The following ELOVL3 variants were observed in gnomAD, a reference collection of about 807,000 sequenced individuals.
The protein encoded by ELOVL3 is very long chain fatty acid elongase 3.
A neutral mutation model predicts 14.9 loss-of-function variants in ELOVL3; 11 were observed. The observed-to-expected ratio is 0.74, with a 90% CI of 0.46 to 1.22. The LOEUF is 1.22. Among genes scored for constraint, ELOVL3 ranks in the 50% most tolerant of loss-of-function variants. The pLI, the probability that ELOVL3 is intolerant of heterozygous loss-of-function variation, is 0.00. For missense variants in ELOVL3, 277 were observed against 338.9 expected (o/e 0.82, Z 1.43); for synonymous variants, 117 against 124.7 (o/e 0.94, Z 0.41).
chr10:102,227,511 C>G, intron 1 of ELOVL3, 115 bp from the exon 2 acceptor site: 1 of 1,189,342 alleles, frequency 8.4e-7, no homozygotes, highest in Non-Finnish European at 1.2e-6. Flanking sequence ...TGTCACATAG[C>G]TAGTAAGTGG....
chr10:102,229,377 C>A lies in ELOVL3; in HGVS notation c.*125C>A. The A allele has an allele frequency of 4.2e-6, 4 of 946,778 alleles. No homozygotes were observed. The highest frequency in any genetic ancestry group is 6.1e-6 in the Non-Finnish European group (4 of 651,078). The allele number at this position is 946,778 out of a possible 1,614,324, so 58.6% of individuals were successfully genotyped here. A position where few individuals can be genotyped will look rare whatever the true frequency, so the allele number is the denominator to read the frequency against. The stretch of plus-strand genomic sequence containing the variant: ...TGGTTTCCCCAGAGGATGTGTGCCC[C>A]AAGGTGGCTGGAATTTTTGACAGAC... On this transcript the variant is annotated 3_prime_UTR_variant, in exon 4 of 4. Coordinates refer to ENST00000370005, the MANE Select transcript of ELOVL3 (RefSeq NM_152310.3).
upstream of ELOVL3, among the ~76,000 whole-genome samples, chr10:102,225,855 C>A (rs2070131336): frequency 6.6e-6 from 1 of 152,232 alleles, no homozygotes; most frequent in Non-Finnish European, 1.5e-5. Context: ...CACCCACTCA[C>A]AACCGCAGAC....
At chr10:102,227,212 G>A (rs2070142953) in intron 1 of ELOVL3, among the ~76,000 whole-genome samples, 1 of 152,090 alleles carries the variant, frequency 6.6e-6, no homozygotes, top group Non-Finnish European at 1.5e-5. Flanking sequence ...AGAAGCTATT[G>A]CCACATTCTT....
chr10:102,228,528 C>G lies in ELOVL3; in HGVS notation c.345C>G (p.Phe115Leu). Reference protein sequence around the residue: ...INFIDNSTVKFWSWVFLLSKV... With the variant: ...INFIDNSTVKLWSWVFLLSKV... The stretch of plus-strand genomic sequence containing the variant: ...TCATCGATAATTCCACAGTCAAATT[C>G]TGGTCCTGGGTCTTTCTTCTCAGCA... Residue 115 changes from phenylalanine (F) to leucine (L), a missense_variant, in exon 3 of 4, where the codon TTC becomes TTG. Physicochemically the swap from Phe to Leu is conservative, Grantham distance 22. Coordinates refer to ENST00000370005, the MANE Select transcript of ELOVL3 (RefSeq NM_152310.3). 1 of 1,614,178 alleles carries G rather than the reference C, an allele frequency of 6.2e-7. No individual in the cohort carries two copies. The highest frequency in any genetic ancestry group is 8.5e-7 in the Non-Finnish European group (1 of 1,180,022).
Position 102,229,367 on chromosome 10 carries a change from A to ATGTG in ELOVL3, c.*118_*121dup, listed in dbSNP as rs1166397122. The ATGTG allele has an allele frequency of 7.7e-6, 8 of 1,044,090 alleles. No individual in the cohort carries two copies. Among genetic ancestry groups the ATGTG allele is most frequent in the Non-Finnish European group, 1.1e-5 (8 of 736,382 alleles). The allele number at this position is 1,044,090 out of a possible 1,614,324, so 64.7% of individuals were successfully genotyped here. A position where few individuals can be genotyped will look rare whatever the true frequency, so the allele number is the denominator to read the frequency against. ...CTTACCTGCATGGTTTCCCCAGAGGATGTGTGCCCCAAGGTGGCTGGAATT... is the reference window on the plus strand; with the variant it reads ...CTTACCTGCATGGTTTCCCCAGAGGATGTGTGTGTGCCCCAAGGTGGCTGGAATT... On this transcript the variant is annotated 3_prime_UTR_variant, in exon 4 of 4. Transcript: ENST00000370005.
At position 102,228,565 on chromosome 10, in the gene ELOVL3, C is replaced by G; in HGVS notation, c.382C>G (p.Leu128Val). ...WVFLLSKVIE[L>V]GDTAFIILRK... ...CTTTCTTCTCAGCAAGGTCATAGAA[C>G]TCGGTGAGTGGCAAAGCTTTGTCTT... Residue 128 changes from leucine (L) to valine (V), a missense_variant, in exon 3 of 4, where the codon CTC becomes GTC. Transcript: ENST00000370005. 2 of 1,614,026 alleles carry G rather than the reference C, an allele frequency of 1.2e-6. No homozygotes were observed. Among genetic ancestry groups the G allele is most frequent in the Non-Finnish European group, 1.7e-6 (2 of 1,179,932 alleles).
rs1253742033 is a variant in ELOVL3, at chr10:102,226,436, G to A, written c.-113G>A. 5 of 700,940 alleles carry A rather than the reference G, an allele frequency of 7.1e-6. No homozygotes were observed. The highest frequency in any genetic ancestry group is 1.2e-5 in the Non-Finnish European group (5 of 411,064). 43.4% of individuals were successfully genotyped at this position (700,940 alleles called of 1,614,324 possible). ...GACGCCCTCCTCCCTTTGCCCAGGA[G>A]TTCCTTCTGTCCCGGCTCTGTTCCG... On this transcript the variant is annotated 5_prime_UTR_variant, in exon 1 of 4. Coordinates refer to ENST00000370005, the MANE Select transcript of ELOVL3 (RefSeq NM_152310.3).
upstream of ELOVL3, among the ~76,000 whole-genome samples, chr10:102,225,520 T>C (rs1364948345): frequency 6.6e-6 from 1 of 152,220 alleles, no homozygotes; most frequent in Non-Finnish European, 1.5e-5. Context: ...AGTAAAACTT[T>C]TAAAAGTTTT....
chr10:102,228,712 T>C lies in ELOVL3; in HGVS notation c.386-113T>C, dbSNP rs1042143836. ...CACCCAAGCCCCTCTACAGATTCTCTGCCACAAAGACCCCCTTCCCTCCCC... is the reference window on the plus strand; with the variant it reads ...CACCCAAGCCCCTCTACAGATTCTCCGCCACAAAGACCCCCTTCCCTCCCC... On this transcript the variant is annotated intron_variant, in intron 3 of 3. Coordinates refer to ENST00000370005, the MANE Select transcript of ELOVL3 (RefSeq NM_152310.3). The C allele has an allele frequency of 6.3e-6, 9 of 1,421,674 alleles. No homozygotes were observed. In the African/African-American group the frequency reaches 1.1e-4, roughly 18 times the overall value. The allele number at this position is 1,421,674 out of a possible 1,614,324, so 88.1% of individuals were successfully genotyped here.
At position 102,228,502 on chromosome 10, in the gene ELOVL3, T is replaced by G. The variant is rs2070159368; in HGVS notation, c.319T>G (p.Phe107Val). The G allele has an allele frequency of 6.2e-7, 1 of 1,614,160 alleles. No individual in the cohort carries two copies. Among genetic ancestry groups the G allele is most frequent in the Non-Finnish European group, 8.5e-7 (1 of 1,180,030 alleles). Residue 107 changes from phenylalanine (F) to valine (V), a missense_variant, in exon 3 of 4, where the codon TTC becomes GTC. Transcript: ENST00000370005. ...AAAGCAAACCGTGTGCTTCATCAAC[T>G]TCATCGATAATTCCACAGTCAAATT... ...GLKQTVCFIN[F>V]IDNSTVKFWS...
At chr10:102,228,296 C>A in intron 2 of ELOVL3, 121 bp from the exon 3 acceptor site, 4 of 1,040,870 alleles carry the variant, frequency 3.8e-6, no homozygotes, top group Non-Finnish European at 1.4e-6. Context: ...TGACCCACCC[C>A]CTGTGGACAG....
chr10:102,227,917 C>T (rs1009327838), intron 2 of ELOVL3, among the ~76,000 whole-genome samples, 160 bp downstream of exon 2: 3 of 152,078 alleles, frequency 2.0e-5, no homozygotes, highest in African/African-American at 4.8e-5. Context: ...CCAGCCTTCA[C>T]CCTCTTCTGT....
At chr10:102,225,516 A>G (rs1298578047), upstream of ELOVL3, among the ~76,000 whole-genome samples, 2 of 152,158 alleles carry the variant, frequency 1.3e-5, no homozygotes, top group African/African-American at 4.8e-5. Context: ...GCCAAGTAAA[A>G]CTTTTAAAAG....
In ELOVL3 at chr10:102,229,142, CA is replaced by C; in HGVS notation, c.704del (p.His235ProfsTer10). 1 of 1,614,120 alleles carries C rather than the reference CA, an allele frequency of 6.2e-7. No individual in the cohort carries two copies. Among genetic ancestry groups the C allele is most frequent in the Non-Finnish European group, 8.5e-7 (1 of 1,180,032 alleles). Reference protein sequence around the residue: ...QDQGCHTTMEHLFWSFILYMT... With the variant: ...QDQGCHTTMEXLFWSFILYMT... ...TCAGGGATGCCACACCACGATGGAA[CA>C]CTTATTCTGGTCCTTCATCTTGTAT... On this transcript the variant is annotated frameshift_variant, in exon 4 of 4. Transcript: ENST00000370005. LOFTEE classifies it low-confidence loss of function (END_TRUNC).
At chr10:102,227,857 A>G (rs528557257) in intron 2 of ELOVL3, 100 bp downstream of exon 2, 35 of 1,430,888 alleles carry the variant, frequency 2.4e-5, no homozygotes, top group African/African-American at 1.6e-4. Context: ...CCTGTCCCCA[A>G]GTTGCCTTGT....
intron 2 of ELOVL3, 78 bp from the exon 3 acceptor site, chr10:102,228,339 C>T: frequency 9.2e-6 from 14 of 1,524,104 alleles, no homozygotes; most frequent in Non-Finnish European, 1.2e-5. Flanking sequence ...AACACAGTAA[C>T]CTGGCCAAGC....
intron 1 of ELOVL3, 44 bp downstream of exon 1, chr10:102,226,693 C>T (rs1224772565): frequency 2.7e-6 from 4 of 1,460,784 alleles, no homozygotes; most frequent in Non-Finnish European, 3.8e-6. Context: ...GGCCCCGGGG[C>T]CGGGGCGCGA....
At position 102,228,297 on chromosome 10, in the gene ELOVL3, C is replaced by T. The variant is rs1427920923; in HGVS notation, c.234-120C>T. On this transcript the variant is annotated intron_variant, in intron 2 of 3. Coordinates refer to ENST00000370005, the MANE Select transcript of ELOVL3 (RefSeq NM_152310.3). ...GATCTCAGGAGCTTTGACCCACCCC[C>T]TGTGGACAGGTGGGGAGGTGGTAGA... 4 of 1,078,938 alleles carry T rather than the reference C, an allele frequency of 3.7e-6. No homozygotes were observed. The Admixed American group carries it at 9.2e-5, about 25-fold the overall frequency. 66.8% of individuals were successfully genotyped at this position (1,078,938 alleles called of 1,614,324 possible). A position where few individuals can be genotyped will look rare whatever the true frequency, so the allele number is the denominator to read the frequency against.
At position 102,226,332 on chromosome 10, in the gene ELOVL3, G is replaced by C; in HGVS notation, c.-217G>C. Reference sequence around the variant, plus strand: ...GAGGTCGCGCCAGCCCGGGCAGGCAGCTTTGCAAGTCCGCGTTATATATCG... The same window carrying C: ...GAGGTCGCGCCAGCCCGGGCAGGCACCTTTGCAAGTCCGCGTTATATATCG... On this transcript the variant is annotated 5_prime_UTR_variant, in exon 1 of 4. Coordinates refer to ENST00000370005, the MANE Select transcript of ELOVL3 (RefSeq NM_152310.3). The C allele has an allele frequency of 3.8e-6, 2 of 528,776 alleles. No individual in the cohort carries two copies. The highest frequency in any genetic ancestry group is 6.7e-6 in the Non-Finnish European group (2 of 297,178). 32.8% of individuals were successfully genotyped at this position (528,776 alleles called of 1,614,324 possible).
Sources: allele counts gnomAD v4.1 joint callset (sites outside exome capture counted in the v4.1 genomes callset), GRCh38; gene constraint gnomAD v4.1.1; transcripts MANE v1.5; gene names NCBI Gene and HGNC (gene_info 2026-07-23, HGNC 2026-07-21).